The following MYO1H variants were observed in gnomAD, a reference collection of about 807,000 sequenced individuals.
The protein encoded by MYO1H is myosin IH, also known as unconventional myosin-Ih.
A neutral mutation model predicts 149.3 loss-of-function variants in MYO1H; 118 were observed. The ratio of observed to expected loss-of-function variants is 0.79; its 90% confidence interval spans 0.68 to 0.92. MYO1H has a LOEUF of 0.92. Ranked by LOEUF, MYO1H falls within the 40% of genes least tolerant of loss-of-function variation. The pLI is 0.00. For missense variants in MYO1H, 1,212 were observed against 1,280.7 expected, an observed-to-expected ratio of 0.95 and a Z score of 0.82; for synonymous variants, 447 against 465.2, an observed-to-expected ratio of 0.96 and a Z score of 0.50.
At chr12:109,357,650 T>A (rs1238942633) in intron 1 of MYO1H, among the ~76,000 whole-genome samples, 2 of 151,666 alleles carry the variant, frequency 1.3e-5, no homozygotes, top group Non-Finnish European at 2.9e-5. Context: ...TTCTCTTGAT[T>A]TTTTTTCTCC....
Position 109,411,897 on chromosome 12 carries a change from GA to G in MYO1H, c.1416del (p.Glu473AsnfsTer11), listed in dbSNP as rs1204777231. On this transcript the variant is annotated frameshift_variant, in exon 14 of 32. Coordinates refer to ENST00000310903, the Ensembl canonical transcript of MYO1H. LOFTEE classifies it high-confidence loss of function. Reference sequence around the variant, plus strand: ...GGCTTCTCTTTTTCTTTTGAAGGATGAAGAATGCATTCGGCCTGGTCCTGCT... The same window carrying G: ...GGCTTCTCTTTTTCTTTTGAAGGATGAGAATGCATTCGGCCTGGTCCTGCT... 1 of 1,600,278 alleles carries G rather than the reference GA, an allele frequency of 6.2e-7. No individual in the cohort carries two copies. Among genetic ancestry groups the G allele is most frequent in the East Asian group, 2.2e-5 (1 of 44,532 alleles).
At chr12:109,431,886 G>A (rs1334153053) in intron 19 of MYO1H, among the ~76,000 whole-genome samples, 1 of 151,734 alleles carries the variant, frequency 6.6e-6, no homozygotes, top group East Asian at 1.9e-4. Flanking sequence ...CCAGGCTGGA[G>A]TGCTCCCTGA....
chr12:109,433,817 T>G (rs931112219), intron 20 of MYO1H, among the ~76,000 whole-genome samples: 4 of 152,142 alleles, frequency 2.6e-5, no homozygotes, highest in Non-Finnish European at 5.9e-5. Context: ...AGGCAGGGCA[T>G]GGAGGTCAGA....
At chr12:109,426,509 G>C (rs987017671) in intron 18 of MYO1H, among the ~76,000 whole-genome samples, 11 of 152,052 alleles carry the variant, frequency 7.2e-5, no homozygotes, top group African/African-American at 2.7e-4. Flanking sequence ...ATGGGTGACA[G>C]AGTGAGACCC....
chr12:109,384,454 T>C (rs1869264043), intron 1 of MYO1H, among the ~76,000 whole-genome samples: 1 of 152,236 alleles, frequency 6.6e-6, no homozygotes, highest in Admixed American at 6.5e-5. Flanking sequence ...TTAGTCATCT[T>C]TTTGGTCAAG....
chr12:109,349,269 C>T (rs1341042722), intron 1 of MYO1H, among the ~76,000 whole-genome samples: 3 of 152,162 alleles, frequency 2.0e-5, no homozygotes, highest in Admixed American at 6.5e-5. Context: ...TACATAGTTA[C>T]ACTTTTTTGA....
chr12:109,431,805 C>T (rs1443901409), intron 19 of MYO1H, among the ~76,000 whole-genome samples: 2 of 151,990 alleles, frequency 1.3e-5, no homozygotes, highest in African/African-American at 4.8e-5. Flanking sequence ...GGGGGAAGCC[C>T]TCATCACTTC....
chr12:109,403,411 T>A (rs1870246185), intron 6 of MYO1H, among the ~76,000 whole-genome samples: 1 of 152,178 alleles, frequency 6.6e-6, no homozygotes, highest in Non-Finnish European at 1.5e-5. Flanking sequence ...TACAAAACAT[T>A]TGTCTAGAAT....
chr12:109,382,433 G>C (rs1429085378), intron 1 of MYO1H, among the ~76,000 whole-genome samples: 1 of 152,186 alleles, frequency 6.6e-6, no homozygotes, highest in African/African-American at 2.4e-5. Context: ...AGAGACTTGA[G>C]AGACACATTG....
rs1871863434 is a variant in MYO1H, at chr12:109,436,473, C to G, written c.2141-15C>G. On this transcript the variant is annotated splice_polypyrimidine_tract_variant and intron_variant, in intron 21 of 31. Transcript: ENST00000310903. ...ATGCAAAGCCATTTCACCAAAACGT[C>G]TGTTTTATTTTAAGTTGCAAGAATC... 1 of 1,601,280 alleles carries G rather than the reference C, an allele frequency of 6.2e-7. No homozygotes were observed. Among genetic ancestry groups the G allele is most frequent in the Non-Finnish European group, 8.5e-7 (1 of 1,172,000 alleles).
Position 109,412,004 on chromosome 12 carries a change from C to T in MYO1H, c.1502+19C>T, listed in dbSNP as rs777941079. On this transcript the variant is annotated intron_variant, in intron 14 of 31. Coordinates refer to ENST00000310903, the Ensembl canonical transcript of MYO1H. ...TCGAAACGTACATACTTTATTTTAC[C>T]AGATTTTGCATGGGGGAAGATGATT... 4.6e-6 allele frequency: 7 copies of T among 1,527,374 alleles called. No homozygotes were observed. The highest frequency in any genetic ancestry group is 5.3e-6 in the Non-Finnish European group (6 of 1,126,110). 94.6% of individuals were successfully genotyped at this position (1,527,374 alleles called of 1,614,324 possible).
At chr12:109,329,764 AC>A in the MYO1H span, among the ~76,000 whole-genome samples, 3 of 152,100 alleles carry the variant, frequency 2.0e-5, no homozygotes, top group African/African-American at 7.2e-5. Flanking sequence ...AAACAATTCA[AC>A]CTCATACATC....
chr12:109,396,831 T>C, intron 4 of MYO1H, among the ~76,000 whole-genome samples: 1 of 132,278 alleles, frequency 7.6e-6, no homozygotes, highest in Admixed American at 7.6e-5. Context: ...TTTTTTTTTT[T>C]TTTTTTTTTT....
chr12:109,442,264 A>G (rs1418953638), exon 27 of MYO1H: 2 of 1,613,802 alleles, frequency 1.2e-6, no homozygotes, highest in Admixed American at 3.3e-5. Flanking sequence ...TAGCCATGAG[A>G]AAATCCAGGT....
chr12:109,357,903 C>T (rs1868644626), intron 1 of MYO1H, among the ~76,000 whole-genome samples: 1 of 151,838 alleles, frequency 6.6e-6, no homozygotes, highest in Non-Finnish European at 1.5e-5. Flanking sequence ...ATTTTTTTCT[C>T]CCAACCATTT....
At chr12:109,368,640 TAAAAA>T (rs56146617) in intron 1 of MYO1H, among the ~76,000 whole-genome samples, 1 of 113,200 alleles carries the variant, frequency 8.8e-6, no homozygotes, top group African/African-American at 3.2e-5. Context: ...GACTCCATCT[TAAAAA>T]AAAAAAAAAA....
intron 1 of MYO1H, among the ~76,000 whole-genome samples, chr12:109,370,053 C>G (rs1041867407): frequency 6.6e-6 from 1 of 152,070 alleles, no homozygotes; most frequent in Non-Finnish European, 1.5e-5. Context: ...AGGGAAGACC[C>G]GCCCCCGTGA....
chr12:109,311,019 T>C, the MYO1H span, among the ~76,000 whole-genome samples: 1 of 152,214 alleles, frequency 6.6e-6, no homozygotes. Flanking sequence ...ATTCAAAGCA[T>C]TTGGGTTTAT....
chr12:109,434,112 C>T (rs965008956), intron 20 of MYO1H, among the ~76,000 whole-genome samples: 1 of 152,098 alleles, frequency 6.6e-6, no homozygotes, highest in African/African-American at 2.4e-5. Flanking sequence ...TGGGTTCAAG[C>T]GATTCTCCTG....
Sources: allele counts gnomAD v4.1 joint callset (sites outside exome capture counted in the v4.1 genomes callset), GRCh38; gene constraint gnomAD v4.1.1; transcripts MANE v1.5; gene names NCBI Gene and HGNC (gene_info 2026-07-23, HGNC 2026-07-21).